Variants in SNX18 observed in about 807,000 individuals in gnomAD.
SNX18 encodes sorting nexin-18.
SNX18 carries 35 observed loss-of-function variants against 48.7 expected under a neutral mutation model. The ratio of observed to expected loss-of-function variants is 0.72; its 90% CI spans 0.55 to 0.95. The LOEUF (loss-of-function observed/expected upper bound fraction) is 0.95. Among genes scored for constraint, SNX18 ranks in the 40% least tolerant of loss-of-function variants. The pLI is 0.00. For missense variants in SNX18, 824 were observed against 871.0 expected (o/e 0.95, Z 0.68); for synonymous variants, 492 against 384.7 (o/e 1.28, Z -3.26).
chr5:54,592,904 G>A, the SNX18 span, among the ~76,000 whole-genome samples: 33 of 152,288 alleles, frequency 2.2e-4, no homozygotes, highest in African/African-American at 7.0e-4. Context: ...AGGTTCAAGC[G>A]ATTCTCATGC....
chr5:54,619,914 A>G, the SNX18 span, among the ~76,000 whole-genome samples: 1 of 152,178 alleles, frequency 6.6e-6, no homozygotes, highest in Non-Finnish European at 1.5e-5. Context: ...TCAATTATGC[A>G]TTCATCTGGG....
At chr5:54,538,600 A>G (rs549473606) in intron 1 of SNX18, among the ~76,000 whole-genome samples, 94 of 152,330 alleles carry the variant, frequency 6.2e-4, no homozygotes, top group African/African-American at 2.2e-3. Context: ...TTAAAAAACA[A>G]ATTACTTTCT....
the SNX18 span, among the ~76,000 whole-genome samples, chr5:54,629,625 T>C: frequency 1.3e-5 from 2 of 152,212 alleles, no homozygotes; most frequent in Admixed American, 1.3e-4. Context: ...TGCATTTACC[T>C]TGGTGAGTCT....
At chr5:54,601,482 A>G in the SNX18 span, among the ~76,000 whole-genome samples, 1 of 152,158 alleles carries the variant, frequency 6.6e-6, no homozygotes, top group Admixed American at 6.5e-5. Flanking sequence ...TTGCTTTGGT[A>G]CATCCTGGGA....
the SNX18 span, among the ~76,000 whole-genome samples, chr5:54,574,142 G>A: frequency 6.6e-6 from 1 of 152,224 alleles, no homozygotes; most frequent in South Asian, 2.1e-4. Context: ...ACTGGTGTGT[G>A]GAATTACCTA....
At chr5:54,607,521 A>G in the SNX18 span, among the ~76,000 whole-genome samples, 4 of 152,218 alleles carry the variant, frequency 2.6e-5, no homozygotes. Context: ...TAATTCTTGG[A>G]TATTTATCCA....
Position 54,518,122 on chromosome 5 carries a change from A to G in SNX18, c.170A>G (p.Gln57Arg), listed in dbSNP as rs1443798310. Residue 57 changes from glutamine to arginine, a missense_variant, in exon 1 of 2, where the codon CAG (glutamine) becomes CGG (arginine). By Grantham distance (43) the Gln-to-Arg change is conservative (BLOSUM62 1). Around this residue, in one of 3 missense-constraint regions of SNX18, gnomAD observed 377 missense variants for 350.6 expected, o/e 1.08. Coordinates refer to ENST00000381410, the MANE Select transcript of SNX18 (RefSeq NM_001102575.2). ...GGCCTCTTCCCGGCCTCCTATGTGCAGGTGATCCGCGCCCCCGAGCCTGGC... is the reference window on the plus strand; with the variant it reads ...GGCCTCTTCCCGGCCTCCTATGTGCGGGTGATCCGCGCCCCCGAGCCTGGC... ...DRGLFPASYV[Q>R]VIRAPEPGPA... The G allele has an allele frequency of 1.4e-6, 2 of 1,459,104 alleles. No individual in the cohort carries two copies. Among genetic ancestry groups the G allele is most frequent in the Non-Finnish European group, 1.8e-6 (2 of 1,111,622 alleles). 90.4% of individuals were successfully genotyped at this position (1,459,104 alleles called of 1,614,324 possible).
the SNX18 span, among the ~76,000 whole-genome samples, chr5:54,579,713 A>T: frequency 1.3e-5 from 2 of 152,218 alleles, no homozygotes; most frequent in East Asian, 3.8e-4. Context: ...TAGAATTATC[A>T]TAGATTGGAA....
At chr5:54,610,272 T>G in the SNX18 span, among the ~76,000 whole-genome samples, 1 of 152,224 alleles carries the variant, frequency 6.6e-6, no homozygotes, top group Non-Finnish European at 1.5e-5. Context: ...GTGTCACATC[T>G]GTCAAGAGCT....
chr5:54,525,056 G>T (rs1466553291), intron 1 of SNX18, among the ~76,000 whole-genome samples: 1 of 152,268 alleles, frequency 6.6e-6, no homozygotes, highest in Admixed American at 6.5e-5. Flanking sequence ...GTCGGGACCA[G>T]CATGGGCTCT....
chr5:54,611,192 C>T, the SNX18 span, among the ~76,000 whole-genome samples: 9 of 152,118 alleles, frequency 5.9e-5, no homozygotes, highest in Non-Finnish European at 1.0e-4. Context: ...ATAAGATAGA[C>T]GCATTTCCCT....
downstream of SNX18, among the ~76,000 whole-genome samples, chr5:54,549,570 C>G (rs891765875): frequency 1.3e-5 from 2 of 152,160 alleles, no homozygotes; most frequent in Non-Finnish European, 2.9e-5. Flanking sequence ...GGCAAAGGAG[C>G]CCTTGGTCTC....
At chr5:54,552,235 C>T in the SNX18 span, among the ~76,000 whole-genome samples, 1 of 152,218 alleles carries the variant, frequency 6.6e-6, no homozygotes, top group Non-Finnish European at 1.5e-5. Flanking sequence ...CTGCGTCTGC[C>T]AAGTTGCTGC....
chr5:54,615,053 T>G, the SNX18 span, among the ~76,000 whole-genome samples: 30 of 152,268 alleles, frequency 2.0e-4, no homozygotes, highest in Non-Finnish European at 2.9e-4. Context: ...GCTTTGGTTT[T>G]TATGGAAAAA....
At chr5:54,622,930 T>C in the SNX18 span, among the ~76,000 whole-genome samples, 9,950 of 152,336 alleles carry the variant, frequency 0.065, 423 homozygotes, top group East Asian at 0.17. Flanking sequence ...TTAGAAATGT[T>C]TGAAGCAGAA....
chr5:54,605,801 A>AGGCAT, the SNX18 span, among the ~76,000 whole-genome samples: 1 of 152,142 alleles, frequency 6.6e-6, no homozygotes, highest in East Asian at 1.9e-4. Context: ...CTAGGACTAC[A>AGGCAT]GGCATGTGCC....
At chr5:54,637,326 A>G in the SNX18 span, among the ~76,000 whole-genome samples, 1 of 152,254 alleles carries the variant, frequency 6.6e-6, no homozygotes, top group African/African-American at 2.4e-5. Context: ...CATAAATAAA[A>G]TATTATCTTT....
chr5:54,633,241 T>A, the SNX18 span, among the ~76,000 whole-genome samples: 1 of 152,066 alleles, frequency 6.6e-6, no homozygotes, highest in African/African-American at 2.4e-5. Flanking sequence ...ATCAGTGAAA[T>A]CGTATCTCAA....
chr5:54,636,368 C>CT, the SNX18 span, among the ~76,000 whole-genome samples: 505 of 150,646 alleles, frequency 3.4e-3, 1 homozygote, highest in African/African-American at 8.4e-3. Context: ...CCTGGTGCAA[C>CT]TTTTTTTTTT....
Sources: gnomAD v4.1 joint callset for allele counts (sites outside exome capture counted in the v4.1 genomes callset) on GRCh38, gnomAD v4.1.1 for gene constraint, gnomAD v4.1.1 regional missense constraint, MANE v1.5 for transcripts, NCBI Gene and HGNC (gene_info 2026-07-23, HGNC 2026-07-21) for gene names.